The following CCDC91 variants were observed in gnomAD, a reference collection of about 807,000 sequenced individuals.
The protein encoded by CCDC91 is coiled-coil domain-containing protein 91.
A neutral mutation model predicts 63.2 loss-of-function variants in CCDC91; 48 were observed. The ratio of observed to expected loss-of-function variants is 0.76; its 90% confidence interval spans 0.60 to 0.97. The LOEUF is 0.97. Among genes scored for constraint, CCDC91 ranks in the 50% least tolerant of loss-of-function variants. CCDC91 has a pLI of 0.00. For missense variants in CCDC91, 500 were observed against 494.6 expected (o/e 1.01, Z -0.10); for synonymous variants, 167 against 165.8 (o/e 1.01, Z -0.06).
chr12:28,234,005 A>G (rs1223071718), intron 1 of CCDC91, among the ~76,000 whole-genome samples: 1 of 152,182 alleles, frequency 6.6e-6, no homozygotes, highest in Non-Finnish European at 1.5e-5. Flanking sequence ...TTGTGCTGCC[A>G]TCACTATCAT....
chr12:28,425,442 C>G (rs1307838723), intron 8 of CCDC91, among the ~76,000 whole-genome samples: 1 of 152,106 alleles, frequency 6.6e-6, no homozygotes, highest in Non-Finnish European at 1.5e-5. Context: ...ACTGCCAGAG[C>G]CTTTATTTGG....
intron 8 of CCDC91, among the ~76,000 whole-genome samples, chr12:28,412,084 G>A (rs1947353203): frequency 6.6e-6 from 1 of 152,120 alleles, no homozygotes; most frequent in Non-Finnish European, 1.5e-5. Flanking sequence ...ATTTAGTATG[G>A]TAACATGCTG....
chr12:28,311,884 C>T (rs964528335), intron 6 of CCDC91, among the ~76,000 whole-genome samples: 1 of 151,870 alleles, frequency 6.6e-6, no homozygotes, highest in Non-Finnish European at 1.5e-5. Flanking sequence ...TTCCACTCCC[C>T]AGTTTGGGAT....
chr12:28,209,006 C>T (rs11494779), intron 1 of CCDC91, among the ~76,000 whole-genome samples: 39,568 of 151,556 alleles, frequency 0.26, 5,431 homozygotes, highest in Non-Finnish European at 0.31. Context: ...TGAGGTTTCA[C>T]CATGTTAGCC....
intron 6 of CCDC91, among the ~76,000 whole-genome samples, chr12:28,308,322 C>CATATTGT: frequency 6.6e-6 from 1 of 152,134 alleles, no homozygotes; most frequent in Non-Finnish European, 1.5e-5. Context: ...GCGCTATTAA[C>CATATTGT]ATATTGTATA....
In CCDC91 at chr12:28,247,490, A is replaced by G. The variant is rs552676173; in HGVS notation, c.-14-9712A>G. Among the ~76,000 whole-genome samples the G allele has an allele frequency of 3.7e-3, 564 of 152,196 alleles. 1 individual carries two copies. Among genetic ancestry groups the G allele is most frequent in the African/African-American group, 0.013 (542 of 41,522 alleles). ...CCAAGACTCCGTCTCAAAAAAAAAA[A>G]AAAAAAAGAATTTTTACTTTGTAAA... On this transcript the variant is annotated intron_variant, in intron 1 of 12. Transcript: ENST00000536442.
intron 6 of CCDC91, among the ~76,000 whole-genome samples, chr12:28,313,631 T>C (rs1939545217): frequency 6.6e-6 from 1 of 152,058 alleles, no homozygotes; most frequent in African/African-American, 2.4e-5. Flanking sequence ...TTATGTGATA[T>C]GGTCTAATTA....
At chr12:28,466,502 A>C (rs1409552285) in intron 11 of CCDC91, among the ~76,000 whole-genome samples, 1 of 152,190 alleles carries the variant, frequency 6.6e-6, no homozygotes, top group African/African-American at 2.4e-5. Context: ...TGGAGCTCCA[A>C]TATGTCTGGC....
rs141034104 is a variant in CCDC91 at position 28,364,172 on chromosome 12, G to T, written c.654+1657G>T. On this transcript the variant is annotated intron_variant, in intron 7 of 12. Transcript: ENST00000536442. ...AGGCCGAAGTGGGTGGATCACCTGA[G>T]GTCGGGGGTTCCAGACCAGCCTGGC... 9.2e-3 allele frequency among the ~76,000 whole-genome samples: 1,402 copies of T among 152,122 alleles called. 27 individuals are homozygous for T. Among genetic ancestry groups the T allele is most frequent in the African/African-American group, 0.032 (1,332 of 41,526 alleles).
chr12:28,400,239 C>T (rs1946533407), intron 8 of CCDC91, among the ~76,000 whole-genome samples: 1 of 152,184 alleles, frequency 6.6e-6, no homozygotes, highest in Non-Finnish European at 1.5e-5. Flanking sequence ...TTGGGGCTTG[C>T]ACCTTCTGAA....
intron 8 of CCDC91, among the ~76,000 whole-genome samples, chr12:28,406,810 A>ATTTTTT (rs375722489): frequency 2.0e-5 from 3 of 148,092 alleles, no homozygotes; most frequent in African/African-American, 7.3e-5. Flanking sequence ...GATTTTAACT[A>ATTTTTT]TTTTTTTTTG....
In CCDC91 at chr12:28,390,054, A is replaced by G. The variant is rs77716557; in HGVS notation, c.655-1250A>G. On this transcript the variant is annotated intron_variant, in intron 7 of 12. Transcript: ENST00000536442. Reference sequence around the variant, plus strand: ...AAAACTCAGAGCTTTATTTTCCTTTACTAATGTGCTAGTAATTTGCAGCTT... The same window carrying G: ...AAAACTCAGAGCTTTATTTTCCTTTGCTAATGTGCTAGTAATTTGCAGCTT... Among the ~76,000 whole-genome samples the G allele has an allele frequency of 9.2e-3, 1,405 of 152,242 alleles. 27 individuals carry two copies. The highest frequency in any genetic ancestry group is 0.032 in the African/African-American group (1,335 of 41,554).
intron 7 of CCDC91, among the ~76,000 whole-genome samples, chr12:28,382,504 T>C (rs1945356450): frequency 6.6e-6 from 1 of 152,066 alleles, no homozygotes; most frequent in African/African-American, 2.4e-5. Flanking sequence ...AATGCCTTCA[T>C]CATTGGGAGA....
At chr12:28,348,408 C>G (rs555249753) in intron 6 of CCDC91, among the ~76,000 whole-genome samples, 1 of 152,310 alleles carries the variant, frequency 6.6e-6, no homozygotes, top group South Asian at 2.1e-4. Context: ...CGTACCCACT[C>G]ATGTCGTAGA....
At chr12:28,478,538 G>C (rs939698955) in intron 11 of CCDC91, among the ~76,000 whole-genome samples, 7 of 152,130 alleles carry the variant, frequency 4.6e-5, no homozygotes, top group African/African-American at 1.7e-4. Context: ...ATACCATTCA[G>C]GACATAGGCA....
intron 7 of CCDC91, among the ~76,000 whole-genome samples, chr12:28,386,672 A>G (rs1565894362): frequency 6.6e-6 from 1 of 152,186 alleles, no homozygotes; most frequent in East Asian, 1.9e-4. Context: ...CAGCCTAAAA[A>G]TTATTCTTAA....
At chr12:28,220,359 A>G (rs1592021914) in intron 1 of CCDC91, among the ~76,000 whole-genome samples, 1 of 152,230 alleles carries the variant, frequency 6.6e-6, no homozygotes, top group East Asian at 1.9e-4. Flanking sequence ...TTTTATGTAC[A>G]GTGTAAGAAC....
At chr12:28,212,370 A>G (rs933443980) in intron 1 of CCDC91, among the ~76,000 whole-genome samples, 9 of 152,238 alleles carry the variant, frequency 5.9e-5, no homozygotes, top group Non-Finnish European at 1.2e-4. Context: ...GAAATGAAGT[A>G]CAGAAATGGG....
At chr12:28,401,945 C>T (rs1946647360) in intron 8 of CCDC91, among the ~76,000 whole-genome samples, 1 of 152,194 alleles carries the variant, frequency 6.6e-6, no homozygotes, top group Non-Finnish European at 1.5e-5. Flanking sequence ...GTTCTTCTCT[C>T]TGCCAGTCTA....
Sources: gnomAD v4.1 joint callset for allele counts (sites outside exome capture counted in the v4.1 genomes callset) on GRCh38, gnomAD v4.1.1 for gene constraint, MANE v1.5 for transcripts, NCBI Gene and HGNC (gene_info 2026-07-23, HGNC 2026-07-21) for gene names.